MICU1: variants seen among roughly 807,000 people sequenced by gnomAD.
MICU1 encodes calcium uptake protein 1, mitochondrial.
In MICU1, 45 loss-of-function variants were observed where a neutral mutation model predicts 56.8. That is an observed-to-expected ratio of 0.79 (90% CI 0.62 to 1.02). The LOEUF is 1.02. Ranked by LOEUF, MICU1 falls within the 50% of genes least tolerant of loss-of-function variation. The pLI is 0.00. For synonymous variants in MICU1, 186 were observed against 195.1 expected, an observed-to-expected ratio of 0.95 and a Z score of 0.39; for missense variants, 504 against 587.1, an observed-to-expected ratio of 0.86 and a Z score of 1.46.
At chr10:72,618,410 T>C (rs1842031003) in intron 1 of MICU1, among the ~76,000 whole-genome samples, 1 of 152,134 alleles carries the variant, frequency 6.6e-6, no homozygotes, top group Non-Finnish European at 1.5e-5. Context: ...CCAATGGCAT[T>C]GCACTTAACC....
chr10:72,467,539 C>T (rs928673888), intron 8 of MICU1, among the ~76,000 whole-genome samples: 5 of 152,084 alleles, frequency 3.3e-5, no homozygotes, highest in East Asian at 1.9e-4. Flanking sequence ...AGGCTGGTTT[C>T]GAACTCCTGA....
At chr10:72,600,389 C>G (rs1841495419) in intron 1 of MICU1, among the ~76,000 whole-genome samples, 1 of 151,782 alleles carries the variant, frequency 6.6e-6, no homozygotes, top group East Asian at 1.9e-4. Flanking sequence ...TGCCTCACAC[C>G]TGTAATCCCA....
intron 9 of MICU1, among the ~76,000 whole-genome samples, chr10:72,411,331 C>A (rs1399963531): frequency 7.0e-6 from 1 of 142,990 alleles, no homozygotes; most frequent in East Asian, 2.0e-4. Context: ...TTTTACTTTT[C>A]TTTTTTTTTT....
chr10:72,547,745 T>A (rs1839932220), intron 4 of MICU1, among the ~76,000 whole-genome samples: 1 of 152,142 alleles, frequency 6.6e-6, no homozygotes, highest in Non-Finnish European at 1.5e-5. Context: ...AAATCCAGAA[T>A]GTGGGAAATT....
At chr10:72,549,567 A>T (rs917304281) in intron 4 of MICU1, among the ~76,000 whole-genome samples, 1 of 152,064 alleles carries the variant, frequency 6.6e-6, no homozygotes, top group African/African-American at 2.4e-5. Flanking sequence ...ATAATGAGCT[A>T]TTATTCATTT....
Position 72,477,194 on chromosome 10 carries a change from C to T in MICU1, c.715G>A (p.Asp239Asn). ...MFDLNGDGEVDMEEFEQVQSI... is the reference protein window; with the variant it reads ...MFDLNGDGEVNMEEFEQVQSI... ...CTTGCCTGTTCAAATTCTTCCATAT[C>T]TACTTCTCCATCTCCATTCAAATCA... Residue 239 changes from aspartate (D) to asparagine (N), a missense_variant, in exon 7 of 12, where the codon GAT (aspartate) becomes AAT (asparagine). Asp to Asn is a conservative substitution (Grantham distance 23). Transcript: ENST00000361114. 6.5e-7 allele frequency: 1 copy of T among 1,549,008 alleles called. No homozygotes were observed. The highest frequency in any genetic ancestry group is 8.7e-7 in the Non-Finnish European group (1 of 1,146,428).
intron 9 of MICU1, among the ~76,000 whole-genome samples, chr10:72,412,473 C>T (rs1175676723): frequency 6.6e-6 from 1 of 152,184 alleles, no homozygotes; most frequent in Non-Finnish European, 1.5e-5. Context: ...AGTTTGTAGA[C>T]AATAGTGATT....
chr10:72,368,135 G>C lies in MICU1; in HGVS notation c.*60C>G. 1 of 1,545,174 alleles carries C rather than the reference G, an allele frequency of 6.5e-7. No individual in the cohort carries two copies. The highest frequency in any genetic ancestry group is 1.9e-5 in the Admixed American group (1 of 53,912). On this transcript the variant is annotated 3_prime_UTR_variant, in exon 12 of 12. Transcript: ENST00000361114. ...GCAGCAGCACAAAGGGCTCTGCCGAGACTCTGCGGAGGGGGTCCAGGGTAC... is the reference window on the plus strand; with the variant it reads ...GCAGCAGCACAAAGGGCTCTGCCGACACTCTGCGGAGGGGGTCCAGGGTAC...
In MICU1 at chr10:72,394,919, G is replaced by A. The variant is rs541627060; in HGVS notation, c.1180+13010C>T. ...TATCTGGCCAGACATGGTGGCTCAC[G>A]CCTGTAATCCCAGCACTTTGGGAGG... is the stretch of plus-strand genomic sequence containing the variant. On this transcript the variant is annotated intron_variant, in intron 10 of 11. Transcript: ENST00000361114. 1.8e-4 allele frequency among the ~76,000 whole-genome samples: 28 copies of A among 151,870 alleles called. 1 individual carries two copies. In the East Asian group the frequency reaches 2.0e-3, roughly 11 times the overall value.
intron 1 of MICU1, among the ~76,000 whole-genome samples, chr10:72,624,703 T>C (rs1362244423): frequency 6.6e-6 from 1 of 152,146 alleles, no homozygotes; most frequent in Non-Finnish European, 1.5e-5. Context: ...TGGCTCTCAG[T>C]AAGGACACTC....
intron 6 of MICU1, among the ~76,000 whole-genome samples, chr10:72,498,525 G>T (rs753871985): frequency 3.2e-4 from 49 of 152,192 alleles, no homozygotes; most frequent in Admixed American, 1.1e-3. Flanking sequence ...GGCGGAGGTT[G>T]CAGTGACTTG....
chr10:72,495,393 C>T (rs752597239), intron 6 of MICU1, among the ~76,000 whole-genome samples: 15 of 152,100 alleles, frequency 9.9e-5, no homozygotes, highest in Non-Finnish European at 1.2e-4. Context: ...CAGTGGCTCA[C>T]GCCTGTAATC....
chr10:72,611,652 A>G (rs566807141), intron 1 of MICU1, among the ~76,000 whole-genome samples: 9 of 152,248 alleles, frequency 5.9e-5, no homozygotes, highest in African/African-American at 1.9e-4. Flanking sequence ...AGAAAGAAAG[A>G]AAAAAACCCA....
At chr10:72,580,177 C>A (rs1840859152) in intron 1 of MICU1, among the ~76,000 whole-genome samples, 1 of 152,042 alleles carries the variant, frequency 6.6e-6, no homozygotes, top group African/African-American at 2.4e-5. Context: ...CAGTCTATTC[C>A]CAGCCCTGAG....
intron 1 of MICU1, among the ~76,000 whole-genome samples, chr10:72,609,733 CAAA>C (rs1248783651): frequency 8.7e-5 from 9 of 103,018 alleles, no homozygotes; most frequent in Admixed American, 2.1e-4. Context: ...GACCCCGTCT[CAAA>C]AAAAAAAAAA....
intron 8 of MICU1, among the ~76,000 whole-genome samples, chr10:72,436,633 C>T (rs895307469): frequency 7.9e-5 from 12 of 152,006 alleles, no homozygotes; most frequent in Non-Finnish European, 4.4e-5. Flanking sequence ...GGAGCATGTT[C>T]GAACCCATCG....
intron 8 of MICU1, among the ~76,000 whole-genome samples, chr10:72,452,187 T>C (rs1191047236): frequency 6.6e-6 from 1 of 152,198 alleles, no homozygotes; most frequent in African/African-American, 2.4e-5. Context: ...TTTTCAATTC[T>C]ATCCCTTCAC....
intron 4 of MICU1, among the ~76,000 whole-genome samples, chr10:72,538,742 A>C (rs117890309): frequency 2.6e-5 from 4 of 152,222 alleles, no homozygotes; most frequent in Non-Finnish European, 5.9e-5. Context: ...TAAAGTCCTT[A>C]CATATCAATA....
chr10:72,614,855 A>G (rs1841939146), intron 1 of MICU1, among the ~76,000 whole-genome samples: 1 of 152,234 alleles, frequency 6.6e-6, no homozygotes, highest in South Asian at 2.1e-4. Flanking sequence ...TTGTGTAACA[A>G]TGTGAATGTA....
Sources: allele counts gnomAD v4.1 joint callset (sites outside exome capture counted in the v4.1 genomes callset), GRCh38; gene constraint gnomAD v4.1.1; transcripts MANE v1.5; gene names NCBI Gene and HGNC (gene_info 2026-07-23, HGNC 2026-07-21).